NELL1: variants seen among roughly 807,000 people sequenced by gnomAD.
The protein encoded by NELL1 is neural EGFL like 1.
In NELL1, 76 loss-of-function variants were observed where a neutral mutation model predicts 107.4. The ratio of observed to expected loss-of-function variants is 0.71; its 90% confidence interval spans 0.59 to 0.86. NELL1 has a LOEUF of 0.86. Ranked by LOEUF, NELL1 falls within the 40% of genes least tolerant of loss-of-function variation. The pLI is 0.00. For synonymous variants in NELL1, 353 were observed against 341.2 expected (o/e 1.03, Z -0.38); for missense variants, 1,024 against 1,005.5 (o/e 1.02, Z -0.25).
chr11:21,501,047 T>G (rs1410859301), intron 15 of NELL1, among the ~76,000 whole-genome samples: 3 of 152,164 alleles, frequency 2.0e-5, no homozygotes, highest in Non-Finnish European at 2.9e-5. Flanking sequence ...TTGTAGTACT[T>G]ACTGTCTGTG....
intron 14 of NELL1, among the ~76,000 whole-genome samples, chr11:21,309,563 A>G (rs1299036675): frequency 6.6e-6 from 1 of 151,872 alleles, no homozygotes; most frequent in Non-Finnish European, 1.5e-5. Flanking sequence ...TCTTCATTCC[A>G]GTCGGTATTC....
rs1413742146 is a variant in NELL1, at chr11:21,342,413, G to T, written c.1550-28440G>T. ...CCCAGTGCTTTGAGAGGCTTAAGTG[G>T]GGGGGGGGGTCACTTGAGGCCAGGA... On this transcript the variant is annotated intron_variant, in intron 14 of 19. Transcript: ENST00000357134. Among the ~76,000 whole-genome samples, 63 of 146,498 alleles carry T rather than the reference G, an allele frequency of 4.3e-4. 3 individuals carry two copies. The South Asian group carries it at 6.1e-3, about 14-fold the overall frequency.
chr11:21,214,765 G>C (rs1431742995), intron 13 of NELL1, among the ~76,000 whole-genome samples: 8 of 124,100 alleles, frequency 6.4e-5, no homozygotes, highest in Non-Finnish European at 1.1e-4. Flanking sequence ...TAGATATGGA[G>C]AACAGGTTAG....
chr11:20,846,497 C>T (rs11025787), intron 3 of NELL1, among the ~76,000 whole-genome samples: 4,542 of 152,220 alleles, frequency 0.03, 86 homozygotes, highest in Middle Eastern at 0.054. Flanking sequence ...CTAGGCTAAT[C>T]GCTCTGGAGT....
chr11:20,825,932 T>C (rs1176635755), intron 3 of NELL1, among the ~76,000 whole-genome samples: 1 of 151,188 alleles, frequency 6.6e-6, no homozygotes, highest in Non-Finnish European at 1.5e-5. Flanking sequence ...AGAGGGACCT[T>C]GTGGGAGGTG....
intron 2 of NELL1, among the ~76,000 whole-genome samples, chr11:20,751,781 T>C (rs1367436924): frequency 6.6e-6 from 1 of 152,234 alleles, no homozygotes; most frequent in East Asian, 1.9e-4. Context: ...TTAATCACCA[T>C]GGCCAGCTTT....
intron 2 of NELL1, among the ~76,000 whole-genome samples, chr11:20,747,312 A>G (rs1856026699): frequency 6.6e-6 from 1 of 152,200 alleles, no homozygotes; most frequent in Non-Finnish European, 1.5e-5. Context: ...ATGCATCTAA[A>G]CATGATTTCT....
intron 3 of NELL1, among the ~76,000 whole-genome samples, chr11:20,784,980 C>G (rs544109015): frequency 2.0e-5 from 3 of 152,178 alleles, no homozygotes; most frequent in Non-Finnish European, 4.4e-5. Context: ...GTTAAGTTCA[C>G]TGAATTAAAT....
chr11:21,333,967 T>C (rs1229868110), intron 14 of NELL1, among the ~76,000 whole-genome samples: 5 of 152,082 alleles, frequency 3.3e-5, no homozygotes, highest in African/African-American at 1.2e-4. Flanking sequence ...TTAATGTCCA[T>C]TTTTGGGTTG....
intron 3 of NELL1, among the ~76,000 whole-genome samples, chr11:20,802,349 A>G (rs1857296485): frequency 6.6e-6 from 1 of 150,436 alleles, no homozygotes. Flanking sequence ...TCTGATGTAA[A>G]TGAAATTACT....
At chr11:21,288,679 G>A (rs1198139568) in intron 14 of NELL1, among the ~76,000 whole-genome samples, 1 of 152,222 alleles carries the variant, frequency 6.6e-6, no homozygotes, top group Non-Finnish European at 1.5e-5. Context: ...AAGTAAGATT[G>A]TTTTGGTTGT....
intron 5 of NELL1, among the ~76,000 whole-genome samples, chr11:20,893,188 C>T (rs1225068286): frequency 6.6e-6 from 1 of 151,636 alleles, no homozygotes; most frequent in Non-Finnish European, 1.5e-5. Flanking sequence ...TGTTCTTACT[C>T]ATAAGTGGGA....
intron 2 of NELL1, among the ~76,000 whole-genome samples, chr11:20,719,206 C>T (rs1186630411): frequency 6.6e-6 from 1 of 152,214 alleles, no homozygotes; most frequent in Non-Finnish European, 1.5e-5. Flanking sequence ...AAAATACACT[C>T]TCTTCTGGCC....
intron 13 of NELL1, among the ~76,000 whole-genome samples, chr11:21,115,160 G>A (rs1010741110): frequency 2.0e-5 from 3 of 151,942 alleles, no homozygotes; most frequent in African/African-American, 7.2e-5. Context: ...GTTTATATAT[G>A]GAACAAGATG....
chr11:20,803,291 G>A (rs1006541913), intron 3 of NELL1, among the ~76,000 whole-genome samples: 1 of 151,986 alleles, frequency 6.6e-6, no homozygotes, highest in African/African-American at 2.4e-5. Flanking sequence ...GTTCAATCTT[G>A]GGAGGTTGTA....
intron 16 of NELL1, among the ~76,000 whole-genome samples, chr11:21,552,589 C>T (rs942524942): frequency 4.6e-5 from 7 of 151,834 alleles, no homozygotes; most frequent in Non-Finnish European, 1.0e-4. Flanking sequence ...GCTTCCTTTT[C>T]CCTTGTCCCC....
intron 16 of NELL1, among the ~76,000 whole-genome samples, chr11:21,537,833 G>A (rs969422598): frequency 2.0e-5 from 3 of 152,036 alleles, no homozygotes; most frequent in African/African-American, 7.2e-5. Flanking sequence ...GTAGATTGTG[G>A]TGCATGACAT....
At chr11:21,000,241 T>C (rs1034714662) in intron 12 of NELL1, among the ~76,000 whole-genome samples, 6 of 150,184 alleles carry the variant, frequency 4.0e-5, no homozygotes, top group African/African-American at 1.3e-4. Context: ...AATGTGCACA[T>C]GTACCCTAAA....
intron 4 of NELL1, among the ~76,000 whole-genome samples, chr11:20,882,614 C>G (rs189590690): frequency 6.6e-6 from 1 of 152,302 alleles, no homozygotes; most frequent in East Asian, 1.9e-4. Context: ...TGACCCTCTA[C>G]CCCTAAATAC....
Sources: gnomAD v4.1 joint callset for allele counts (sites outside exome capture counted in the v4.1 genomes callset) on GRCh38, gnomAD v4.1.1 for gene constraint, MANE v1.5 for transcripts, NCBI Gene and HGNC (gene_info 2026-07-23, HGNC 2026-07-21) for gene names.